Variants in TTC39A observed in about 807,000 individuals in gnomAD.
TTC39A encodes the protein tetratricopeptide repeat protein 39A.
A neutral mutation model predicts 82.3 loss-of-function variants in TTC39A; 46 were observed. The ratio of observed to expected loss-of-function variants is 0.56; its 90% CI spans 0.44 to 0.71. TTC39A has a LOEUF of 0.71. Ranked by LOEUF, TTC39A falls within the 30% of genes least tolerant of loss-of-function variation. The pLI, the probability that TTC39A is intolerant of heterozygous loss-of-function variation, is 0.00. For synonymous variants in TTC39A, 254 were observed against 275.2 expected, an observed-to-expected ratio of 0.92 and a Z score of 0.76; for missense variants, 543 against 712.9, an observed-to-expected ratio of 0.76 and a Z score of 2.71.
intron 1 of TTC39A, among the ~76,000 whole-genome samples, chr1:51,323,803 C>T (rs2148288395): frequency 6.6e-6 from 1 of 152,282 alleles, no homozygotes; most frequent in African/African-American, 2.4e-5. Context: ...TTCCTTTATA[C>T]ATTTTAAACA....
chr1:51,302,554 G>T lies in TTC39A; in HGVS notation c.783C>A (p.Ile261=), dbSNP rs768559648. 1 of 1,605,710 alleles carries T rather than the reference G, an allele frequency of 6.2e-7. No individual in the cohort carries two copies. The highest frequency in any genetic ancestry group is 8.5e-7 in the Non-Finnish European group (1 of 1,176,198). The change falls in exon 10 of 18, where the codon ATC becomes ATA. Residue 261 remains isoleucine, a synonymous_variant. Transcript: ENST00000680483. ...GCTTCAAGAGCTTCTCGGCCTCCTC[G>T]ATGTTGACGTTCCCAGTACCTGGAG... ...TFVLGTGNVN[I]EEAEKLLKPY... is the part of the protein sequence containing the mutation.
intron 11 of TTC39A, chr1:51,301,939 C>T: frequency 1.5e-6 from 1 of 684,906 alleles, no homozygotes. Flanking sequence ...TGACGTTGGG[C>T]TCAAATACAG....
rs560090162 is a variant in TTC39A at position 51,301,836 on chromosome 1, G to A, written c.892-103C>T. The A allele has an allele frequency of 4.7e-6, 7 of 1,494,186 alleles. No homozygotes were observed. The African/African-American group carries it at 8.2e-5, about 18-fold the overall frequency. The allele number at this position is 1,494,186 out of a possible 1,614,324, so 92.6% of individuals were successfully genotyped here. ...CACAGCAGACCGGGACTCCTCCAGGGCATAGTGGTCCAGCCCTGTGCTAGG... is the reference window on the plus strand; with the variant it reads ...CACAGCAGACCGGGACTCCTCCAGGACATAGTGGTCCAGCCCTGTGCTAGG... On this transcript the variant is annotated intron_variant, in intron 11 of 17. Coordinates refer to ENST00000680483, the MANE Select transcript of TTC39A (RefSeq NM_001297663.2).
chr1:51,299,295 C>T (rs533936074), intron 12 of TTC39A: 6 of 152,298 alleles, frequency 3.9e-5, no homozygotes, highest in South Asian at 2.1e-4. Flanking sequence ...TTATGGGGGC[C>T]GCTGCTGACT....
chr1:51,294,469 T>G lies in TTC39A; in HGVS notation c.1188A>C (p.Leu396=). Residue 396 remains leucine, a synonymous_variant, in exon 14 of 18, where the codon CTA becomes CTC. Coordinates refer to ENST00000680483, the MANE Select transcript of TTC39A (RefSeq NM_001297663.2). This position sits in a 1 kb window ranked among gnomAD's most constrained non-coding sequence, Gnocchi z 4.3. The part of the protein sequence containing the change: ...GLKLKIAGKS[L]PTEKFAIRKS... The stretch of plus-strand genomic sequence containing the variant: ...TCCGGATGGCAAACTTCTCTGTGGG[T>G]AGAGATTTCCCAGCAATCTTGAGCT... The G allele has an allele frequency of 7.4e-6, 12 of 1,613,670 alleles. No individual in the cohort carries two copies. Among genetic ancestry groups the G allele is most frequent in the Non-Finnish European group, 1.0e-5 (12 of 1,179,856 alleles).
In TTC39A at chr1:51,321,310, A is replaced by G. The variant is rs937598036; in HGVS notation, c.146+411T>C. Reference sequence around the variant, plus strand: ...ATTATTGATTTGTATTTACAGAAACATGGCAGTGAGTACTCAAGGAAATGG... The same window carrying G: ...ATTATTGATTTGTATTTACAGAAACGTGGCAGTGAGTACTCAAGGAAATGG... On this transcript the variant is annotated intron_variant, in intron 2 of 17. Coordinates refer to ENST00000680483, the MANE Select transcript of TTC39A (RefSeq NM_001297663.2). The surrounding 1 kb of genome is among the most constrained non-coding windows in gnomAD (Gnocchi z 4.6). 6.6e-6 allele frequency among the ~76,000 whole-genome samples: 1 copy of G among 152,252 alleles called. No individual in the cohort carries two copies. Among genetic ancestry groups the G allele is most frequent in the Non-Finnish European group, 1.5e-5 (1 of 68,042 alleles).
intron 2 of TTC39A, among the ~76,000 whole-genome samples, chr1:51,316,771 C>A (rs1193978519): frequency 6.6e-6 from 1 of 152,210 alleles, no homozygotes; most frequent in Non-Finnish European, 1.5e-5. Flanking sequence ...GCTGCACCCC[C>A]ACACATGCCC....
At chr1:51,309,419 G>T (rs190526082) in intron 5 of TTC39A, 94 bp from the exon 6 acceptor site, 3 of 1,595,198 alleles carry the variant, frequency 1.9e-6, no homozygotes, top group Non-Finnish European at 2.6e-6. Flanking sequence ...CTGCCCCTCC[G>T]TGTGAGGAAC....
intron 4 of TTC39A, 116 bp downstream of exon 4, chr1:51,312,003 A>G (rs1645101509): frequency 3.6e-6 from 4 of 1,125,330 alleles, no homozygotes; most frequent in Non-Finnish European, 3.8e-6. Context: ...GTGTCCTGGC[A>G]TGGACACCAG....
chr1:51,313,552 C>G (rs907272856), intron 2 of TTC39A, among the ~76,000 whole-genome samples: 4 of 152,188 alleles, frequency 2.6e-5, no homozygotes, highest in Non-Finnish European at 5.9e-5. Context: ...GCCCACCTCT[C>G]CAGCCCTCTT....
chr1:51,302,321 G>T, intron 11 of TTC39A, 36 bp downstream of exon 11: 1 of 1,577,824 alleles, frequency 6.3e-7, no homozygotes, highest in Non-Finnish European at 8.6e-7. Flanking sequence ...AGACCCCGAG[G>T]GATCCCCAGC....
intron 15 of TTC39A, 97 bp downstream of exon 15, chr1:51,290,417 G>T: frequency 9.2e-7 from 1 of 1,086,626 alleles, no homozygotes; most frequent in Non-Finnish European, 1.3e-6. Context: ...AGAGTTGCCA[G>T]GGTAGGGAAA....
chr1:51,336,493 G>C (rs981139724), intron 1 of TTC39A, among the ~76,000 whole-genome samples: 14 of 152,142 alleles, frequency 9.2e-5, no homozygotes, highest in Admixed American at 3.9e-4. Flanking sequence ...AGCTGCTGAA[G>C]GTAGGTCTAA....
In TTC39A at chr1:51,330,431, A is replaced by G; in HGVS notation, c.41+6T>C. ...GCGCCCCCGGGCCTCCCAGCCGCGC[A>G]CTTACCCCGCGGGCAGGGCTCCTGG... On this transcript the variant is annotated splice_donor_region_variant and intron_variant, in intron 1 of 17. Transcript: ENST00000680483. The surrounding 1 kb of genome is among the most constrained non-coding windows in gnomAD (Gnocchi z 4.5). 1 of 980,040 alleles carries G rather than the reference A, an allele frequency of 1.0e-6. No individual in the cohort carries two copies. Among genetic ancestry groups the G allele is most frequent in the African/African-American group, 1.8e-5 (1 of 56,282 alleles). The allele number at this position is 980,040 out of a possible 1,614,324, so 60.7% of individuals were successfully genotyped here.
chr1:51,321,925 C>T lies in TTC39A; in HGVS notation c.42-100G>A, dbSNP rs1645538172. On this transcript the variant is annotated intron_variant, in intron 1 of 17. Transcript: ENST00000680483. The surrounding 1 kb of genome is among the most constrained non-coding windows in gnomAD (Gnocchi z 4.6). ...ACAGGGTCTACTCAGCCTCCCTGGC[C>T]AGCCTTGGGTGCCTGTCACGAGCTC... 1.5e-6 allele frequency: 2 copies of T among 1,377,402 alleles called. No homozygotes were observed. The highest frequency in any genetic ancestry group is 2.0e-6 in the Non-Finnish European group (2 of 997,172). The allele number at this position is 1,377,402 out of a possible 1,614,324, so 85.3% of individuals were successfully genotyped here. A position where few individuals can be genotyped will look rare whatever the true frequency, so the allele number is the denominator to read the frequency against.
Position 51,288,356 on chromosome 1 carries a change from G to C in TTC39A, c.1611-76C>G. On this transcript the variant is annotated intron_variant, in intron 17 of 17. Coordinates refer to ENST00000680483, the MANE Select transcript of TTC39A (RefSeq NM_001297663.2). The surrounding 1 kb of genome is among the most constrained non-coding windows in gnomAD (Gnocchi z 4.8). Reference sequence around the variant, plus strand: ...GCTTTTCCTCCTGTTTGAGCTGTATGAGCCCCGCGAGCCAAGGAAGGATTG... The same window carrying C: ...GCTTTTCCTCCTGTTTGAGCTGTATCAGCCCCGCGAGCCAAGGAAGGATTG... 6.3e-7 allele frequency: 1 copy of C among 1,581,330 alleles called. No homozygotes were observed. The highest frequency in any genetic ancestry group is 1.1e-5 in the South Asian group (1 of 88,684).
At chr1:51,293,674 G>T (rs1448780754) in intron 14 of TTC39A, among the ~76,000 whole-genome samples, 1 of 152,176 alleles carries the variant, frequency 6.6e-6, no homozygotes, top group African/African-American at 2.4e-5. Flanking sequence ...GAATAACAAG[G>T]ACTCTTAGCA....
At chr1:51,311,777 G>A (rs11803539) in intron 4 of TTC39A, among the ~76,000 whole-genome samples, 59 of 152,338 alleles carry the variant, frequency 3.9e-4, no homozygotes, top group African/African-American at 1.2e-3. Context: ...TGGGGCCCAT[G>A]CGATCACTAG....
Position 51,309,294 on chromosome 1 carries a change from C to T in TTC39A, c.455G>A (p.Gly152Asp). The change falls in exon 6 of 18, where the codon GGC becomes GAC. Residue 152 changes from glycine to aspartate, a missense_variant. Coordinates refer to ENST00000680483, the MANE Select transcript of TTC39A (RefSeq NM_001297663.2). The stretch of plus-strand genomic sequence containing the variant: ...CTGGTAGCTGTTTCGAACTTTGATG[C>T]CGCCTTTGATGAAGCTCACCATGTT... ...DENMVSFIKGGIKVRNSYQTY... is the reference protein window; with the variant it reads ...DENMVSFIKGDIKVRNSYQTY... 1 of 1,612,422 alleles carries T rather than the reference C, an allele frequency of 6.2e-7. No homozygotes were observed. Among genetic ancestry groups the T allele is most frequent in the Non-Finnish European group, 8.5e-7 (1 of 1,179,284 alleles).
Sources: gnomAD v4.1 joint callset for allele counts (sites outside exome capture counted in the v4.1 genomes callset) on GRCh38, gnomAD v4.1.1 for gene constraint, Gnocchi (gnomAD v3.1) non-coding constraint, MANE v1.5 for transcripts, NCBI Gene and HGNC (gene_info 2026-07-23, HGNC 2026-07-21) for gene names.